Variants in ZNF878 observed in about 807,000 individuals in gnomAD.
ZNF878 encodes zinc finger protein 878.
In ZNF878, 10 loss-of-function variants were observed where a neutral mutation model predicts 11.1. That is an observed-to-expected ratio of 0.90 (90% CI 0.56 to 1.53). ZNF878 has a LOEUF of 1.53. Among genes scored for constraint, ZNF878 ranks in the 40% most tolerant of loss-of-function variants. ZNF878 has a pLI of 0.00. For synonymous variants in ZNF878, 165 were observed against 209.7 expected (o/e 0.79, Z 1.84); for missense variants, 548 against 626.1 (o/e 0.88, Z 1.33).
intron 1 of ZNF878, 117 bp downstream of exon 1, chr19:12,052,682 A>G (rs1329144640): frequency 1.1e-5 from 14 of 1,303,214 alleles, no homozygotes; most frequent in Non-Finnish European, 2.1e-6. Flanking sequence ...CGCTAGGGGG[A>G]CTGTGTCTGG....
rs748341472 is a variant in ZNF878 at position 12,044,305 on chromosome 19, G to A, written c.1096C>T (p.Pro366Ser). ...IHERTHTGEK[P>S]FECKQCGKTF... ...TTCCCACATTGTTTACATTCAAAGG[G>A]TTTCTCTCCAGTGTGTGTCCTTTCA... is the stretch of plus-strand genomic sequence containing the variant. Residue 366 changes from proline (P) to serine (S), a missense_variant, in exon 4 of 4, where the codon CCC (proline) becomes TCC (serine). By Grantham distance (74) the Pro-to-Ser change is moderately conservative. Transcript: ENST00000547628. 11 of 1,612,742 alleles carry A rather than the reference G, an allele frequency of 6.8e-6. No individual in the cohort carries two copies.
chr19:12,049,531 G>T (rs1156919575), intron 1 of ZNF878, among the ~76,000 whole-genome samples: 1 of 145,894 alleles, frequency 6.9e-6, no homozygotes, highest in Non-Finnish European at 1.5e-5. Context: ...CAACACTTTG[G>T]GAAGCCAAGG....
chr19:12,045,262 T>G (rs755755954), intron 3 of ZNF878, 53 bp from the exon 4 acceptor site: 5 of 1,398,512 alleles, frequency 3.6e-6, no homozygotes, highest in Non-Finnish European at 4.8e-6. Context: ...TTTAATTCCT[T>G]TGCAAGTATT....
At chr19:12,047,360 T>C (rs1465194331) in intron 1 of ZNF878, among the ~76,000 whole-genome samples, 1 of 151,770 alleles carries the variant, frequency 6.6e-6, no homozygotes, top group East Asian at 1.9e-4. Flanking sequence ...GGTCAGGAGT[T>C]TGAGACCAAC....
chr19:12,052,157 C>T (rs953917680), intron 1 of ZNF878, among the ~76,000 whole-genome samples: 3 of 152,188 alleles, frequency 2.0e-5, no homozygotes, highest in Admixed American at 6.5e-5. Context: ...TCATCATTTT[C>T]CTGCAATTCC....
intron 1 of ZNF878, 61 bp from the exon 2 acceptor site, chr19:12,046,821 C>A: frequency 6.3e-7 from 1 of 1,598,994 alleles, no homozygotes; most frequent in Non-Finnish European, 8.5e-7. Context: ...GGTTTCTATA[C>A]CCTATTCCTA....
In ZNF878 at chr19:12,052,956, A is replaced by G. The variant is rs1838605408; in HGVS notation, c.-155T>C. On this transcript the variant is annotated 5_prime_UTR_variant, in exon 1 of 4. Coordinates refer to ENST00000547628, the MANE Select transcript of ZNF878 (RefSeq NM_001080404.3). ...GACCTTAACTAGCGCGAGCAGCCCTAGGAGTGAAGAGAGCGGGAATGCAAC... is the reference window on the plus strand; with the variant it reads ...GACCTTAACTAGCGCGAGCAGCCCTGGGAGTGAAGAGAGCGGGAATGCAAC... 7.6e-6 allele frequency: 10 copies of G among 1,323,756 alleles called. No homozygotes were observed. Among genetic ancestry groups the G allele is most frequent in the Non-Finnish European group, 9.2e-6 (9 of 978,172 alleles). The allele number at this position is 1,323,756 out of a possible 1,614,324, so 82.0% of individuals were successfully genotyped here. A position where few individuals can be genotyped will look rare whatever the true frequency, so the allele number is the denominator to read the frequency against.
rs775804495 is a variant in ZNF878 at position 12,043,840 on chromosome 19, T to C, written c.1561A>G (p.Ile521Val). The change falls in exon 4 of 4, where the codon ATC becomes GTC. Residue 521 changes from isoleucine (I) to valine (V), a missense_variant. Around this residue, in one of 3 missense-constraint regions of ZNF878, gnomAD observed 335 missense variants for 358.2 expected, o/e 0.94. Transcript: ENST00000547628. ...TGAGTCCTTACATGCTTTTGAAGGA[T>C]TGAGGCAGATCTAAAGGCTTTACCA... is the stretch of plus-strand genomic sequence containing the variant. ...QCGKAFRSASILQKHVRTHAG is the reference protein window; with the variant it reads ...QCGKAFRSASVLQKHVRTHAG 9 of 1,610,712 alleles carry C rather than the reference T, an allele frequency of 5.6e-6. No individual in the cohort carries two copies. In the East Asian group the frequency reaches 8.9e-5, roughly 16 times the overall value.
intron 1 of ZNF878, 112 bp downstream of exon 1, chr19:12,052,687 G>C (rs1975563074): frequency 2.9e-6 from 4 of 1,373,018 alleles, no homozygotes; most frequent in Non-Finnish European, 3.9e-6. Flanking sequence ...GGGGGACTGT[G>C]TCTGGAGCCC....
At position 12,052,957 on chromosome 19, in the gene ZNF878, G is replaced by A. The variant is rs1171873331; in HGVS notation, c.-156C>T. On this transcript the variant is annotated 5_prime_UTR_variant, in exon 1 of 4. Coordinates refer to ENST00000547628, the MANE Select transcript of ZNF878 (RefSeq NM_001080404.3). ...ACCTTAACTAGCGCGAGCAGCCCTA[G>A]GAGTGAAGAGAGCGGGAATGCAACC... 7 of 1,329,934 alleles carry A rather than the reference G, an allele frequency of 5.3e-6. No homozygotes were observed. The highest frequency in any genetic ancestry group is 2.5e-5 in the East Asian group (1 of 39,516). The allele number at this position is 1,329,934 out of a possible 1,614,324, so 82.4% of individuals were successfully genotyped here.
rs777084289 is a variant in ZNF878, at chr19:12,044,901, G to A, written c.500C>T (p.Ala167Val). The change falls in exon 4 of 4, where the codon GCA (alanine) becomes GTA (valine). Residue 167 changes from alanine (A) to valine (V), a missense_variant. Physicochemically the swap from Ala to Val is moderately conservative, Grantham distance 64. Coordinates refer to ENST00000547628, the MANE Select transcript of ZNF878 (RefSeq NM_001080404.3). ...SVRRHERIHSAKKPYECKQCG... is the reference protein window; with the variant it reads ...SVRRHERIHSVKKPYECKQCG... ...CTGCTTACATTCATAGGGTTTTTTTGCAGAGTGGATTCTTTCATGTCTACG... is the reference window on the plus strand; with the variant it reads ...CTGCTTACATTCATAGGGTTTTTTTACAGAGTGGATTCTTTCATGTCTACG... 7 of 1,613,730 alleles carry A rather than the reference G, an allele frequency of 4.3e-6. No individual in the cohort carries two copies. The South Asian group carries it at 4.4e-5, about 10-fold the overall frequency.
intron 1 of ZNF878, among the ~76,000 whole-genome samples, chr19:12,049,626 C>G (rs1975531741): frequency 6.6e-6 from 1 of 151,512 alleles, no homozygotes. Context: ...AAAAATTAGC[C>G]AGGTGTGGTG....
rs1041100432 is a variant in ZNF878, at chr19:12,052,905, G to A, written c.-104C>T. On this transcript the variant is annotated 5_prime_UTR_variant, in exon 1 of 4. Transcript: ENST00000547628. ...ACAGCAGCTACGGCGGAAGTAACTG[G>A]TCCCTCTCGGAGCAAGAAAGCCCCA... 25 of 1,488,044 alleles carry A rather than the reference G, an allele frequency of 1.7e-5. No homozygotes were observed. The highest frequency in any genetic ancestry group is 2.0e-5 in the Non-Finnish European group (22 of 1,106,462). 92.2% of individuals were successfully genotyped at this position (1,488,044 alleles called of 1,614,324 possible).
Position 12,044,039 on chromosome 19 carries a change from C to T in ZNF878, c.1362G>A (p.Lys454=), listed in dbSNP as rs762879501. 6.8e-6 allele frequency: 11 copies of T among 1,612,718 alleles called. No individual in the cohort carries two copies. Among genetic ancestry groups the T allele is most frequent in the Non-Finnish European group, 9.3e-6 (11 of 1,179,772 alleles). The change falls in exon 4 of 4, where the codon AAG becomes AAA. Residue 454 remains lysine, a synonymous_variant. Transcript: ENST00000547628. ...AAGAAATGAAGGCTTTTCCACATTGCTTACACTCATAGGGTTTCTCTCCTG... is the reference window on the plus strand; with the variant it reads ...AAGAAATGAAGGCTTTTCCACATTGTTTACACTCATAGGGTTTCTCTCCTG... ...THTGEKPYEC[K]QCGKAFISSN...
At position 12,044,882 on chromosome 19, in the gene ZNF878, A is replaced by T; in HGVS notation, c.519T>A (p.Cys173Ter). 6.2e-7 allele frequency: 1 copy of T among 1,614,000 alleles called. No individual in the cohort carries two copies. Residue 173 changes from cysteine to a stop codon, truncating the protein, a stop_gained, in exon 4 of 4, where the codon TGT (cysteine) becomes TGA (stop). Coordinates refer to ENST00000547628, the MANE Select transcript of ZNF878 (RefSeq NM_001080404.3). LOFTEE classifies it low-confidence loss of function (END_TRUNC). ...AACTGAATGCTTTCCCACACTGCTT[A>T]CATTCATAGGGTTTTTTTGCAGAGT... is the stretch of plus-strand genomic sequence containing the variant. ...RIHSAKKPYE[C>*]KQCGKAFSFP...
In ZNF878 at chr19:12,044,199, C is replaced by G; in HGVS notation, c.1202G>C (p.Gly401Ala). 1 of 1,614,026 alleles carries G rather than the reference C, an allele frequency of 6.2e-7. No individual in the cohort carries two copies. The highest frequency in any genetic ancestry group is 8.5e-7 in the Non-Finnish European group (1 of 1,179,994). The part of the protein sequence containing the change: ...GEKPYECKQC[G>A]KAFRSASVLQ... ...GACTGAGGCAGATCTGAAGGCTTTCCCACATTGCTTACACTCATAGGGTTT... is the reference window on the plus strand; with the variant it reads ...GACTGAGGCAGATCTGAAGGCTTTCGCACATTGCTTACACTCATAGGGTTT... Residue 401 changes from glycine to alanine, a missense_variant, in exon 4 of 4, where the codon GGG (glycine) becomes GCG (alanine). Gly to Ala is a moderately conservative substitution (Grantham distance 60). This residue lies in a region of ZNF878 where 335 missense variants were observed against 358.2 expected (regional missense o/e 0.94). Transcript: ENST00000547628.
chr19:12,045,244 T>A (rs753743116), intron 3 of ZNF878, 35 bp from the exon 4 acceptor site: 2 of 1,486,628 alleles, frequency 1.3e-6, no homozygotes, highest in Admixed American at 2.3e-5. Flanking sequence ...AATGGGTTTA[T>A]CACTAATTTT....
chr19:12,046,267 T>A, intron 3 of ZNF878, 101 bp downstream of exon 3: 1 of 871,988 alleles, frequency 1.1e-6, no homozygotes, highest in Non-Finnish European at 1.8e-6. Context: ...AATAAATACA[T>A]TGGAACTAGG....
Position 12,044,315 on chromosome 19 carries a change from A to G in ZNF878, c.1086T>C (p.Thr362=), listed in dbSNP as rs1207940835. The change falls in exon 4 of 4, where the codon ACT becomes ACC. Residue 362 remains threonine, a synonymous_variant. Transcript: ENST00000547628. ...KDLRIHERTH[T]GEKPFECKQC... is the part of the protein sequence containing the mutation. The stretch of plus-strand genomic sequence containing the variant: ...GTTTACATTCAAAGGGTTTCTCTCC[A>G]GTGTGTGTCCTTTCATGTATTCGAA... 1 of 1,612,586 alleles carries G rather than the reference A, an allele frequency of 6.2e-7. No homozygotes were observed. Among genetic ancestry groups the G allele is most frequent in the Non-Finnish European group, 8.5e-7 (1 of 1,179,092 alleles).
Sources: gnomAD v4.1 joint callset for allele counts (sites outside exome capture counted in the v4.1 genomes callset) on GRCh38, gnomAD v4.1.1 for gene constraint, gnomAD v4.1.1 regional missense constraint, MANE v1.5 for transcripts, NCBI Gene and HGNC (gene_info 2026-07-23, HGNC 2026-07-21) for gene names.